The following PLEKHA2 variants were observed in gnomAD, a reference collection of about 807,000 sequenced individuals.
The protein encoded by PLEKHA2 is pleckstrin homology domain containing A2.
PLEKHA2 carries 28 observed loss-of-function variants against 53.2 expected under a neutral mutation model. That is an observed-to-expected ratio of 0.53 (90% CI 0.39 to 0.72). PLEKHA2 has a LOEUF of 0.72. Among genes scored for constraint, PLEKHA2 ranks in the 30% least tolerant of loss-of-function variants. The pLI is 0.00. For synonymous variants in PLEKHA2, 193 were observed against 196.4 expected (o/e 0.98, Z 0.14); for missense variants, 426 against 537.9 (o/e 0.79, Z 2.06).
At chr8:38,951,121 C>T (rs953313232) in intron 6 of PLEKHA2, 131 bp downstream of exon 6, 12 of 805,498 alleles carry the variant, frequency 1.5e-5, no homozygotes, top group Non-Finnish European at 2.2e-5. Context: ...GCCAGTGGAG[C>T]CATCAGGAAA....
chr8:38,914,427 G>T (rs561835573), intron 1 of PLEKHA2, among the ~76,000 whole-genome samples: 3 of 152,362 alleles, frequency 2.0e-5, no homozygotes, highest in Non-Finnish European at 2.9e-5. Context: ...CTGTGGGAGG[G>T]TGTCTCCCTC....
rs869037331 is a variant in PLEKHA2 at position 38,940,655 on chromosome 8, G to A, written c.199-3134G>A. Among the ~76,000 whole-genome samples, 7 of 107,800 alleles carry A rather than the reference G, an allele frequency of 6.5e-5. No homozygotes were observed. The East Asian group carries it at 1.4e-3, about 21-fold the overall frequency. The allele number at this position is 107,800 out of a possible 152,430, so 70.7% of individuals were successfully genotyped here. ...CGTGGTCCAGATTGAAGGGGCGGGG[G>A]GGGGGGGTCAGAAACCCAGGAAGCA... On this transcript the variant is annotated intron_variant, in intron 3 of 11. Transcript: ENST00000617275.
intron 1 of PLEKHA2, among the ~76,000 whole-genome samples, chr8:38,917,491 G>T (rs990726761): frequency 6.6e-6 from 1 of 152,202 alleles, no homozygotes; most frequent in Non-Finnish European, 1.5e-5. Flanking sequence ...CTTACTGTGT[G>T]CCTACCACTT....
intron 1 of PLEKHA2, among the ~76,000 whole-genome samples, chr8:38,910,028 C>T (rs561281473): frequency 2.0e-5 from 3 of 146,614 alleles, no homozygotes; most frequent in African/African-American, 7.6e-5. Context: ...GTGATCTCGG[C>T]TCACTGCAGC....
intron 10 of PLEKHA2, among the ~76,000 whole-genome samples, chr8:38,964,479 TG>T (rs1283920169): frequency 1.3e-5 from 2 of 152,184 alleles, no homozygotes; most frequent in African/African-American, 4.8e-5. Context: ...TAATGCCTGA[TG>T]ATCTGAGGTG....
At chr8:38,911,125 G>C (rs2152364712) in intron 1 of PLEKHA2, among the ~76,000 whole-genome samples, 1 of 152,286 alleles carries the variant, frequency 6.6e-6, no homozygotes, top group Middle Eastern at 3.4e-3. Flanking sequence ...TTTGTTAGCT[G>C]TGTGTTGTGA....
At chr8:38,945,180 C>G (rs114193034) in intron 4 of PLEKHA2, among the ~76,000 whole-genome samples, 1,624 of 152,310 alleles carry the variant, frequency 0.011, 30 homozygotes, top group African/African-American at 0.038. Flanking sequence ...GTGCTAAGTG[C>G]TATGAGCAAA....
Position 38,936,350 on chromosome 8 carries a change from G to T in PLEKHA2, c.198+300G>T, listed in dbSNP as rs187377237. On this transcript the variant is annotated intron_variant, in intron 3 of 11. Coordinates refer to ENST00000617275, the MANE Select transcript of PLEKHA2 (RefSeq NM_021623.2). ...ATGTGGTGGTGGAGCTGGGGTAGGG[G>T]TAGTACATGATCCATGACCTTTTTT... 1.9e-3 allele frequency among the ~76,000 whole-genome samples: 286 copies of T among 152,278 alleles called. 2 individuals are homozygous for T. Among genetic ancestry groups the T allele is most frequent in the African/African-American group, 6.4e-3 (265 of 41,546 alleles).
chr8:38,906,223 G>C (rs1833871363), intron 1 of PLEKHA2, among the ~76,000 whole-genome samples: 1 of 152,250 alleles, frequency 6.6e-6, no homozygotes, highest in South Asian at 2.1e-4. Flanking sequence ...GCCCTCTCTG[G>C]TGGAGATGGT....
chr8:38,920,326 AT>A (rs890049175), intron 2 of PLEKHA2, among the ~76,000 whole-genome samples: 12 of 150,104 alleles, frequency 8.0e-5, no homozygotes, highest in East Asian at 2.0e-4. Flanking sequence ...AATTTTTTGT[AT>A]TTTTTTTTAG....
At position 38,971,880 on chromosome 8, in the gene PLEKHA2, G is replaced by A. The variant is rs1341897167; in HGVS notation, c.*2097G>A. 6.6e-6 allele frequency: 1 copy of A among 152,172 alleles called. No homozygotes were observed. The highest frequency in any genetic ancestry group is 1.5e-5 in the Non-Finnish European group (1 of 68,046). 9.4% of individuals were successfully genotyped at this position (152,172 alleles called of 1,614,324 possible). On this transcript the variant is annotated 3_prime_UTR_variant, in exon 12 of 12. Transcript: ENST00000617275. Reference sequence around the variant, plus strand: ...GAGAATGGTGTGAACCTGGGAGGCGGAGCTTGCAGTGAGCCAAGATCGCGC... The same window carrying A: ...GAGAATGGTGTGAACCTGGGAGGCGAAGCTTGCAGTGAGCCAAGATCGCGC...
chr8:38,953,992 C>G (rs1834891474), intron 9 of PLEKHA2, among the ~76,000 whole-genome samples: 1 of 152,200 alleles, frequency 6.6e-6, no homozygotes, highest in African/African-American at 2.4e-5. Context: ...AGGTCCAACA[C>G]CAAATACAGA....
At chr8:38,958,687 C>G (rs529397488) in intron 10 of PLEKHA2, among the ~76,000 whole-genome samples, 1 of 152,328 alleles carries the variant, frequency 6.6e-6, no homozygotes, top group South Asian at 2.1e-4. Flanking sequence ...GCTACTAATT[C>G]ACCAGCAACA....
intron 10 of PLEKHA2, among the ~76,000 whole-genome samples, chr8:38,966,157 G>C (rs1835130511): frequency 6.6e-6 from 1 of 152,150 alleles, no homozygotes; most frequent in African/African-American, 2.4e-5. Flanking sequence ...CGTGCACCAG[G>C]ACCTGAACGG....
intron 1 of PLEKHA2, among the ~76,000 whole-genome samples, chr8:38,913,031 T>C (rs1027566760): frequency 2.0e-5 from 3 of 152,078 alleles, no homozygotes; most frequent in Non-Finnish European, 4.4e-5. Flanking sequence ...TTTTAGAGGA[T>C]TGTAGAAAGA....
chr8:38,926,425 G>A (rs1047256836), intron 2 of PLEKHA2, among the ~76,000 whole-genome samples: 3 of 146,608 alleles, frequency 2.0e-5, no homozygotes, highest in Non-Finnish European at 4.5e-5. Context: ...CTCCGTCTCC[G>A]AGACTGAAGT....
intron 1 of PLEKHA2, among the ~76,000 whole-genome samples, chr8:38,916,488 A>G (rs1359104631): frequency 1.3e-5 from 2 of 151,766 alleles, no homozygotes; most frequent in African/African-American, 4.8e-5. Flanking sequence ...TTTGATTTTT[A>G]GATCCCATAA....
intron 1 of PLEKHA2, among the ~76,000 whole-genome samples, chr8:38,914,184 G>A (rs1833997331): frequency 6.6e-6 from 1 of 152,218 alleles, no homozygotes; most frequent in Admixed American, 6.5e-5. Flanking sequence ...GCACTGAGTA[G>A]CTGTGGGATT....
chr8:38,934,198 C>G (rs1158214760), intron 2 of PLEKHA2, among the ~76,000 whole-genome samples: 1 of 152,016 alleles, frequency 6.6e-6, no homozygotes, highest in Non-Finnish European at 1.5e-5. Flanking sequence ...CGGCGTTTCA[C>G]TATGTTGGCC....
Sources: gnomAD v4.1 joint callset for allele counts (sites outside exome capture counted in the v4.1 genomes callset) on GRCh38, gnomAD v4.1.1 for gene constraint, MANE v1.5 for transcripts, NCBI Gene and HGNC (gene_info 2026-07-23, HGNC 2026-07-21) for gene names.